Variants in SUMF1 observed in about 807,000 individuals in gnomAD.
SUMF1 encodes sulfatase modifying factor 1, also known as formylglycine-generating enzyme.
Under a neutral mutation model 47.6 loss-of-function variants are expected in SUMF1, and 48 were observed. The observed-to-expected ratio is 1.01, with a 90% CI of 0.80 to 1.28. The LOEUF (loss-of-function observed/expected upper bound fraction) is 1.28, where lower values mean the gene tolerates loss of function less well. Among genes scored for constraint, SUMF1 ranks in the 50% most tolerant of loss-of-function variants. The pLI is 0.00. For synonymous variants in SUMF1, 230 were observed against 192.1 expected, an observed-to-expected ratio of 1.20 and a Z score of -1.63; for missense variants, 571 against 485.4, an observed-to-expected ratio of 1.18 and a Z score of -1.66.
intron 8 of SUMF1, among the ~76,000 whole-genome samples, chr3:4,114,667 G>C (rs778491583): frequency 1.3e-5 from 2 of 152,064 alleles, no homozygotes; most frequent in Admixed American, 6.6e-5. Context: ...GGTAAGGAGA[G>C]GCTAAACTGG....
intron 8 of SUMF1, among the ~76,000 whole-genome samples, chr3:4,369,021 G>A (rs142936585): frequency 2.0e-4 from 30 of 152,074 alleles, no homozygotes; most frequent in African/African-American, 7.2e-4. Context: ...TTGGACTCAG[G>A]GGGAAGATAA....
rs1699782396 is a variant in SUMF1, at chr3:4,362,131, C to T, written c.*13G>A. The stretch of plus-strand genomic sequence containing the variant: ...CGACTGCTCCTTGGACTGGGGAAGA[C>T]TTTCCTTGGTTGTCAGTCCATAGTG... On this transcript the variant is annotated 3_prime_UTR_variant, in exon 9 of 9. Coordinates refer to ENST00000272902, the MANE Select transcript of SUMF1 (RefSeq NM_182760.4). 1 of 1,613,102 alleles carries T rather than the reference C, an allele frequency of 6.2e-7. No homozygotes were observed. The highest frequency in any genetic ancestry group is 1.7e-5 in the Admixed American group (1 of 60,006).
intron 8 of SUMF1, among the ~76,000 whole-genome samples, chr3:4,124,058 T>C (rs968714820): frequency 6.6e-6 from 1 of 152,184 alleles, no homozygotes; most frequent in African/African-American, 2.4e-5. Flanking sequence ...CCCCTGTTGA[T>C]AAATAAAACA....
chr3:4,104,446 C>T (rs993564356), intron 8 of SUMF1, among the ~76,000 whole-genome samples: 2 of 152,182 alleles, frequency 1.3e-5, no homozygotes, highest in Admixed American at 6.5e-5. Context: ...CACTCTTCAT[C>T]CTGCTCCGTG....
At chr3:4,329,490 T>C (rs185391896) in intron 8 of SUMF1, among the ~76,000 whole-genome samples, 2 of 152,222 alleles carry the variant, frequency 1.3e-5, no homozygotes, top group Non-Finnish European at 2.9e-5. Flanking sequence ...TCTGAAACAA[T>C]GGCCTGAGCT....
chr3:4,329,581 C>T (rs1168336785), intron 8 of SUMF1, among the ~76,000 whole-genome samples: 1 of 152,184 alleles, frequency 6.6e-6, no homozygotes, highest in Non-Finnish European at 1.5e-5. Context: ...AGCAGCAAGG[C>T]CCTGGGCCCA....
At chr3:4,265,622 G>A (rs1430710524) in intron 8 of SUMF1, among the ~76,000 whole-genome samples, 1 of 152,042 alleles carries the variant, frequency 6.6e-6, no homozygotes, top group Non-Finnish European at 1.5e-5. Flanking sequence ...GTAGATTCTG[G>A]ATATTAGCCC....
intron 8 of SUMF1, among the ~76,000 whole-genome samples, chr3:4,076,004 T>G (rs941198279): frequency 1.3e-5 from 2 of 152,102 alleles, no homozygotes; most frequent in Admixed American, 1.3e-4. Flanking sequence ...AAATTTCACA[T>G]GGAACCAAAA....
At chr3:4,313,958 C>G (rs1001205827) in intron 8 of SUMF1, 38 of 974,246 alleles carry the variant, frequency 3.9e-5, no homozygotes, top group Non-Finnish European at 5.6e-5. Flanking sequence ...AGAATACTCA[C>G]TTTCCTAGTT....
rs762610470 is a variant in SUMF1, at chr3:4,361,856, G to A, written c.*288C>T. 3.9e-5 allele frequency: 16 copies of A among 415,384 alleles called. No individual in the cohort carries two copies. Among genetic ancestry groups the A allele is most frequent in the Non-Finnish European group, 5.4e-5 (12 of 220,644 alleles). The allele number at this position is 415,384 out of a possible 1,614,324, so 25.7% of individuals were successfully genotyped here. A position where few individuals can be genotyped will look rare whatever the true frequency, so the allele number is the denominator to read the frequency against. Reference sequence around the variant, plus strand: ...CTGTGGCAGAGCCTGCGTAGGACGCGGGCCTCCTGAAGCCTAGCTCAGGGT... The same window carrying A: ...CTGTGGCAGAGCCTGCGTAGGACGCAGGCCTCCTGAAGCCTAGCTCAGGGT... On this transcript the variant is annotated 3_prime_UTR_variant, in exon 9 of 9. Transcript: ENST00000272902.
intron 8 of SUMF1, among the ~76,000 whole-genome samples, chr3:4,178,912 G>T (rs1281751836): frequency 6.6e-6 from 1 of 152,064 alleles, no homozygotes; most frequent in Non-Finnish European, 1.5e-5. Flanking sequence ...CAAACAAAGA[G>T]CCAAATCATG....
chr3:4,227,593 ACT>A (rs1339476634), intron 8 of SUMF1, among the ~76,000 whole-genome samples: 1 of 151,718 alleles, frequency 6.6e-6, no homozygotes, highest in Non-Finnish European at 1.5e-5. Flanking sequence ...AGGGCTCCAC[ACT>A]CTCCCTAATC....
At chr3:4,464,452 C>T (rs1481661803) in intron 1 of SUMF1, among the ~76,000 whole-genome samples, 1 of 151,972 alleles carries the variant, frequency 6.6e-6, no homozygotes, top group African/African-American at 2.4e-5. Flanking sequence ...GAAACACCTA[C>T]CAGAGTGTAA....
chr3:4,071,263 A>G (rs561655307), intron 8 of SUMF1, among the ~76,000 whole-genome samples: 14 of 152,160 alleles, frequency 9.2e-5, no homozygotes, highest in African/African-American at 1.7e-4. Context: ...TGCATTTCCA[A>G]CTGAGGAACC....
chr3:4,282,665 T>G (rs1234849821), intron 8 of SUMF1, among the ~76,000 whole-genome samples: 1 of 152,216 alleles, frequency 6.6e-6, no homozygotes, highest in Non-Finnish European at 1.5e-5. Flanking sequence ...GAACTGTTGC[T>G]CAGTCAATTC....
In SUMF1 at chr3:4,055,829, G is replaced by T. The variant is rs916931384; in HGVS notation, c.1191+12740C>A. Among the ~76,000 whole-genome samples the T allele has an allele frequency of 2.6e-5, 4 of 152,124 alleles. No individual in the cohort carries two copies. In the South Asian group the frequency reaches 6.2e-4, roughly 24 times the overall value. On this transcript the variant is annotated intron_variant and NMD_transcript_variant, in intron 9 of 12. Transcript: ENST00000448413. ...AGAATTCTGAAATGGAGTTCACTGG[G>T]CTATAATCAAGGTGTTGGCAAGGCC...
At chr3:4,457,602 T>C (rs1241943520) in intron 1 of SUMF1, among the ~76,000 whole-genome samples, 2 of 152,144 alleles carry the variant, frequency 1.3e-5, no homozygotes, top group African/African-American at 4.8e-5. Context: ...TTTACCATCA[T>C]CTGATTTTCA....
intron 8 of SUMF1, among the ~76,000 whole-genome samples, chr3:4,289,144 G>A (rs928777666): frequency 1.3e-5 from 2 of 152,130 alleles, no homozygotes; most frequent in Non-Finnish European, 2.9e-5. Context: ...AAGCAACTAC[G>A]AGGTTTCGGG....
In SUMF1 at chr3:4,335,960, C is replaced by CAAAAAAAACAAAAAAA. The variant is rs5846319; in HGVS notation, c.1014+40369_1014+40370insTTTTTTTGTTTTTTTT. ...TGGACAACTGAGTGAGATTCCAACT[C>CAAAAAAAACAAAAAAA]AAAAAAAAAAAAAAAAAAAACAGAA... is the stretch of plus-strand genomic sequence containing the variant. On this transcript the variant is annotated intron_variant and NMD_transcript_variant, in intron 8 of 12. Transcript: ENST00000448413. Among the ~76,000 whole-genome samples, 7 of 73,888 alleles carry CAAAAAAAACAAAAAAA rather than the reference C, an allele frequency of 9.5e-5. 1 individual carries two copies. Among genetic ancestry groups the CAAAAAAAACAAAAAAA allele is most frequent in the African/African-American group, 4.3e-4 (6 of 14,098 alleles). The allele number at this position is 73,888 out of a possible 152,430, so 48.5% of individuals were successfully genotyped here. A position where few individuals can be genotyped will look rare whatever the true frequency, so the allele number is the denominator to read the frequency against.
Sources: gnomAD v4.1 joint callset for allele counts (sites outside exome capture counted in the v4.1 genomes callset) on GRCh38, gnomAD v4.1.1 for gene constraint, MANE v1.5 for transcripts, NCBI Gene and HGNC (gene_info 2026-07-23, HGNC 2026-07-21) for gene names.